Variants in DLG1 observed in about 807,000 individuals in gnomAD.
DLG1 encodes discs large MAGUK scaffold protein 1, also known as disks large homolog 1.
DLG1 carries 42 observed loss-of-function variants against 123.4 expected under a neutral mutation model. That is an observed-to-expected ratio of 0.34 (90% CI 0.27 to 0.44). The LOEUF is 0.44. DLG1 is among the 20% of genes least tolerant of loss of function. The pLI is 1.00. For missense variants in DLG1, 942 were observed against 1,082.6 expected, an observed-to-expected ratio of 0.87 and a Z score of 1.82; for synonymous variants, 317 against 356.2, an observed-to-expected ratio of 0.89 and a Z score of 1.24.
At chr3:197,167,729 T>C (rs568366497) in intron 5 of DLG1, among the ~76,000 whole-genome samples, 1 of 152,298 alleles carries the variant, frequency 6.6e-6, no homozygotes, top group African/African-American at 2.4e-5. Flanking sequence ...ACTGCACATA[T>C]TTAAGGTATA....
At chr3:197,227,440 A>G (rs972122115) in intron 4 of DLG1, among the ~76,000 whole-genome samples, 1 of 152,008 alleles carries the variant, frequency 6.6e-6, no homozygotes. Context: ...GCGCCACTGC[A>G]CTCCAGCCTG....
intron 3 of DLG1, among the ~76,000 whole-genome samples, chr3:197,293,502 A>G (rs1460533271): frequency 6.6e-6 from 1 of 152,226 alleles, no homozygotes. Context: ...ATATTGAAAT[A>G]TTTAACAGTT....
At position 197,081,057 on chromosome 3, in the gene DLG1, A is replaced by G; in HGVS notation, c.1899T>C (p.Asp633=). The G allele has an allele frequency of 6.2e-7, 1 of 1,612,874 alleles. No homozygotes were observed. The highest frequency in any genetic ancestry group is 8.5e-7 in the Non-Finnish European group (1 of 1,179,318). ...KTVKFNSKTR[D]KGQSFNDKRK... is the part of the protein sequence containing the mutation. Reference sequence around the variant, plus strand: ...AGAGATTTCAAATACTCACCCCTTTATCTCTCGTTTTAGAATTGAATTTCA... The same window carrying G: ...AGAGATTTCAAATACTCACCCCTTTGTCTCTCGTTTTAGAATTGAATTTCA... The change falls in exon 17 of 25, where the codon GAT becomes GAC. Residue 633 remains aspartate (D), a synonymous_variant. Coordinates refer to ENST00000667157, the MANE Select transcript of DLG1 (RefSeq NM_001366207.1).
intron 10 of DLG1, among the ~76,000 whole-genome samples, chr3:197,130,887 C>G (rs1010047225): frequency 6.6e-6 from 1 of 152,182 alleles, no homozygotes; most frequent in African/African-American, 2.4e-5. Context: ...CATCTTGATT[C>G]CAGTCTCCAT....
chr3:197,176,938 T>G (rs1179173394), intron 5 of DLG1, among the ~76,000 whole-genome samples: 1 of 151,914 alleles, frequency 6.6e-6, no homozygotes, highest in African/African-American at 2.4e-5. Context: ...AGTGTCCTAT[T>G]GAACAAATGA....
At chr3:197,129,065 A>G (rs986155025) in intron 11 of DLG1, among the ~76,000 whole-genome samples, 10 of 152,260 alleles carry the variant, frequency 6.6e-5, no homozygotes, top group African/African-American at 2.4e-4. Flanking sequence ...CAGCTGCATT[A>G]GCAACTAACA....
intron 24 of DLG1, among the ~76,000 whole-genome samples, chr3:197,047,546 T>TA (rs916559999): frequency 1.0e-4 from 15 of 150,636 alleles, no homozygotes; most frequent in Non-Finnish European, 2.2e-4. Context: ...AGGAGGAAGT[T>TA]AAAGGACAAG....
At chr3:197,230,946 T>C (rs777216318) in intron 4 of DLG1, among the ~76,000 whole-genome samples, 1 of 149,914 alleles carries the variant, frequency 6.7e-6, no homozygotes, top group Non-Finnish European at 1.5e-5. Flanking sequence ...ACATATAGTA[T>C]GTTATTTAAT....
At chr3:197,227,264 G>A (rs1578340255) in intron 4 of DLG1, among the ~76,000 whole-genome samples, 1 of 152,258 alleles carries the variant, frequency 6.6e-6, no homozygotes, top group East Asian at 1.9e-4. Flanking sequence ...CTGAGGGTCA[G>A]GAGTTCGAGA....
At chr3:197,166,080 C>T (rs532411108) in intron 5 of DLG1, among the ~76,000 whole-genome samples, 2 of 152,186 alleles carry the variant, frequency 1.3e-5, no homozygotes, top group Non-Finnish European at 2.9e-5. Flanking sequence ...ACGAGGGTGT[C>T]TACATGGACA....
intron 10 of DLG1, among the ~76,000 whole-genome samples, chr3:197,134,107 T>C (rs1204418597): frequency 6.6e-6 from 1 of 152,206 alleles, no homozygotes; most frequent in Non-Finnish European, 1.5e-5. Flanking sequence ...TGACTGTGTT[T>C]GTGTGTGAGT....
chr3:197,262,901 C>A (rs984334167), intron 4 of DLG1, among the ~76,000 whole-genome samples: 2 of 152,110 alleles, frequency 1.3e-5, no homozygotes, highest in African/African-American at 4.8e-5. Flanking sequence ...TCATCATGGG[C>A]CAACACATCC....
intron 4 of DLG1, among the ~76,000 whole-genome samples, chr3:197,229,054 G>T (rs773387684): frequency 6.6e-6 from 1 of 152,108 alleles, no homozygotes; most frequent in Non-Finnish European, 1.5e-5. Context: ...CTGCCCAATC[G>T]AGGAAAAGAG....
intron 14 of DLG1, among the ~76,000 whole-genome samples, chr3:197,094,603 G>C (rs939996979): frequency 1.3e-5 from 2 of 152,082 alleles, no homozygotes; most frequent in African/African-American, 4.8e-5. Flanking sequence ...AGAGCATATA[G>C]CTTTTTCATG....
At chr3:197,267,359 T>C (rs1268392475) in intron 4 of DLG1, among the ~76,000 whole-genome samples, 4 of 152,154 alleles carry the variant, frequency 2.6e-5, no homozygotes, top group African/African-American at 9.7e-5. Context: ...TCCTTTTCTC[T>C]TTTGGAATCT....
intron 2 of DLG1, 178 bp from the exon 3 acceptor site, chr3:197,296,655 TAAAG>T (rs1183361448): frequency 1.0e-5 from 5 of 498,590 alleles, no homozygotes; most frequent in Non-Finnish European, 1.4e-5. Context: ...AAAAAAAAAT[TAAAG>T]AAATACAAGA....
In DLG1 at chr3:197,282,691, G is replaced by T. The variant is rs779415338; in HGVS notation, c.306C>A (p.Ser102Arg). Residue 102 changes from serine (S) to arginine (R), a missense_variant, in exon 4 of 25, where the codon AGC (serine) becomes AGA (arginine). Coordinates refer to ENST00000667157, the MANE Select transcript of DLG1 (RefSeq NM_001366207.1). ...TTTTTTATCTCACCTCTACACTAGGGCTAAGGCTGCTTGGCAGTGTCTCTG... is the reference window on the plus strand; with the variant it reads ...TTTTTTATCTCACCTCTACACTAGGTCTAAGGCTGCTTGGCAGTGTCTCTG... ...VTSETLPSSL[S>R]PSVEKYRYQD... 6.2e-7 allele frequency: 1 copy of T among 1,601,782 alleles called. No individual in the cohort carries two copies. The highest frequency in any genetic ancestry group is 1.1e-5 in the South Asian group (1 of 88,028).
intron 3 of DLG1, among the ~76,000 whole-genome samples, chr3:197,286,515 A>G (rs1410040391): frequency 6.6e-6 from 1 of 152,194 alleles, no homozygotes; most frequent in Non-Finnish European, 1.5e-5. Flanking sequence ...GGCAGAGCTC[A>G]GGTGGCAATC....
chr3:197,253,678 T>C (rs1249157577), intron 4 of DLG1, among the ~76,000 whole-genome samples: 1 of 152,018 alleles, frequency 6.6e-6, no homozygotes, highest in Non-Finnish European at 1.5e-5. Context: ...AGTGGTTGCT[T>C]TGAGTTAAGA....
Sources: gnomAD v4.1 joint callset for allele counts (sites outside exome capture counted in the v4.1 genomes callset) on GRCh38, gnomAD v4.1.1 for gene constraint, MANE v1.5 for transcripts, NCBI Gene and HGNC (gene_info 2026-07-23, HGNC 2026-07-21) for gene names.